The following KIFAP3 variants were observed in gnomAD, a reference collection of about 807,000 sequenced individuals.
KIFAP3 encodes the protein kinesin associated protein 3.
A neutral mutation model predicts 106.5 loss-of-function variants in KIFAP3; 68 were observed. That is an observed-to-expected ratio of 0.64 (90% CI 0.53 to 0.78). The LOEUF (loss-of-function observed/expected upper bound fraction) is 0.78. Among genes scored for constraint, KIFAP3 ranks in the 30% least tolerant of loss-of-function variants. The pLI is 0.00. For synonymous variants in KIFAP3, 320 were observed against 311.5 expected, an observed-to-expected ratio of 1.03 and a Z score of -0.29; for missense variants, 780 against 941.8, an observed-to-expected ratio of 0.83 and a Z score of 2.25.
exon 1 of KIFAP3, chr1:170,085,061 A>G (rs1397480176): frequency 6.6e-6 from 1 of 152,208 alleles, no homozygotes; most frequent in African/African-American, 2.4e-5. Flanking sequence ...GGATGCCATC[A>G]AATGGCCAGT....
intron 2 of KIFAP3, among the ~76,000 whole-genome samples, chr1:170,052,589 A>G (rs1326791091): frequency 1.3e-4 from 20 of 152,176 alleles, no homozygotes; most frequent in African/African-American, 4.3e-4. Context: ...TGTGAAAATC[A>G]TCAATAAAAT....
intron 19 of KIFAP3, among the ~76,000 whole-genome samples, chr1:169,950,591 C>CT (rs1664679373): frequency 6.6e-6 from 1 of 152,004 alleles, no homozygotes; most frequent in Non-Finnish European, 1.5e-5. Flanking sequence ...ATCAATTCAG[C>CT]TATTATTCTT....
chr1:169,983,415 G>T (rs773397804), intron 12 of KIFAP3, 33 bp from the exon 13 acceptor site: 4 of 1,393,518 alleles, frequency 2.9e-6, no homozygotes, highest in Admixed American at 2.0e-5. Context: ...TAAAATTAAG[G>T]TTAGCTTAAG....
At chr1:170,080,603 T>C (rs553272099) in intron 1 of KIFAP3, among the ~76,000 whole-genome samples, 2 of 152,226 alleles carry the variant, frequency 1.3e-5, no homozygotes, top group East Asian at 3.9e-4. Context: ...AGAGAATGAC[T>C]CACTTATGGT....
intron 12 of KIFAP3, 38 bp from the exon 13 acceptor site, chr1:169,983,420 CTTAAGT>C: frequency 7.2e-7 from 1 of 1,388,176 alleles, no homozygotes; most frequent in Non-Finnish European, 1.0e-6. Flanking sequence ...TTAAGGTTAG[CTTAAGT>C]TTAATAATTT....
At chr1:169,998,381 GATATATATAT>G (rs67634163) in intron 10 of KIFAP3, among the ~76,000 whole-genome samples, 1,812 of 136,948 alleles carry the variant, frequency 0.013, 9 homozygotes, top group South Asian at 0.023. Context: ...TGCTTCACCA[GATATATATAT>G]ATATATATAC....
intron 17 of KIFAP3, among the ~76,000 whole-genome samples, chr1:169,970,160 T>A (rs955936906): frequency 3.9e-5 from 6 of 152,002 alleles, no homozygotes; most frequent in African/African-American, 1.4e-4. Context: ...GACTTATAAT[T>A]CCCTTGGAAG....
intron 19 of KIFAP3, among the ~76,000 whole-genome samples, chr1:169,931,676 T>G (rs2101785662): frequency 6.6e-6 from 1 of 152,348 alleles, no homozygotes; most frequent in Admixed American, 6.5e-5. Context: ...GTCCTTTAAA[T>G]AATTGTTTGT....
At chr1:170,008,976 G>A (rs1459767871) in intron 10 of KIFAP3, among the ~76,000 whole-genome samples, 1 of 152,166 alleles carries the variant, frequency 6.6e-6, no homozygotes, top group East Asian at 1.9e-4. Context: ...CAGGGACATG[G>A]ATGAAGCTGG....
intron 17 of KIFAP3, among the ~76,000 whole-genome samples, chr1:169,968,263 T>C (rs1665730541): frequency 6.6e-6 from 1 of 151,898 alleles, no homozygotes; most frequent in South Asian, 2.1e-4. Context: ...TCATTTTGTT[T>C]ACTAGTTAAC....
intron 10 of KIFAP3, among the ~76,000 whole-genome samples, chr1:170,009,278 A>G (rs1169217654): frequency 1.3e-5 from 2 of 152,164 alleles, no homozygotes; most frequent in African/African-American, 4.8e-5. Flanking sequence ...TTAATATTTT[A>G]AAAGCTGACA....
At chr1:170,032,412 G>A (rs12122885) in intron 7 of KIFAP3, among the ~76,000 whole-genome samples, 1 of 151,650 alleles carries the variant, frequency 6.6e-6, no homozygotes, top group Non-Finnish European at 1.5e-5. Context: ...TCAGACAGAT[G>A]CCCAGAATAT....
At chr1:170,075,470 C>T (rs373994627), upstream of KIFAP3, among the ~76,000 whole-genome samples, 6 of 152,230 alleles carry the variant, frequency 3.9e-5, no homozygotes, top group African/African-American at 9.7e-5. Flanking sequence ...CACTTATTCA[C>T]TGTCTTCTAG....
chr1:169,934,774 A>C (rs1440168461), intron 19 of KIFAP3, among the ~76,000 whole-genome samples: 1 of 151,940 alleles, frequency 6.6e-6, no homozygotes, highest in Non-Finnish European at 1.5e-5. Context: ...ACATATAGGT[A>C]TATCTATATT....
At chr1:170,080,052 A>G (rs1671996274) in intron 1 of KIFAP3, among the ~76,000 whole-genome samples, 1 of 152,140 alleles carries the variant, frequency 6.6e-6, no homozygotes, top group South Asian at 2.1e-4. Flanking sequence ...ATAAAAAGCT[A>G]CTAGACCTAA....
chr1:170,056,990 T>C (rs1335534908), intron 1 of KIFAP3, among the ~76,000 whole-genome samples: 1 of 152,076 alleles, frequency 6.6e-6, no homozygotes, highest in Non-Finnish European at 1.5e-5. Context: ...ACAAAAGCTA[T>C]AGAAGTCACA....
intron 8 of KIFAP3, among the ~76,000 whole-genome samples, chr1:170,030,204 C>T (rs1669328752): frequency 6.6e-6 from 1 of 151,718 alleles, no homozygotes; most frequent in African/African-American, 2.4e-5. Context: ...CTGATAAATG[C>T]TTATATCCAA....
chr1:169,971,544 C>T (rs112758324), intron 17 of KIFAP3, among the ~76,000 whole-genome samples: 26 of 151,778 alleles, frequency 1.7e-4, no homozygotes, highest in African/African-American at 3.6e-4. Flanking sequence ...TAGTCAAATC[C>T]AAAAAACAGA....
At position 169,921,678 on chromosome 1, in the gene KIFAP3, A is replaced by G. The variant is rs1038563857; in HGVS notation, c.2377T>C (p.Ter793ArgextTer1). Residue 793 changes from the stop codon to arginine, a stop_lost, in exon 20 of 20, where the codon TGA becomes CGA. Coordinates refer to ENST00000361580, the MANE Select transcript of KIFAP3 (RefSeq NM_014970.4). ...DEPYYYGYGS[*>R] The stretch of plus-strand genomic sequence containing the variant: ...TACACATGGAAACAGATACTTTATC[A>G]AGATCCATAGCCATAGTAGTAAGGT... 1 of 1,609,924 alleles carries G rather than the reference A, an allele frequency of 6.2e-7. No homozygotes were observed. Among genetic ancestry groups the G allele is most frequent in the Non-Finnish European group, 8.5e-7 (1 of 1,176,450 alleles).
Sources: gnomAD v4.1 joint callset for allele counts (sites outside exome capture counted in the v4.1 genomes callset) on GRCh38, gnomAD v4.1.1 for gene constraint, MANE v1.5 for transcripts, NCBI Gene and HGNC (gene_info 2026-07-23, HGNC 2026-07-21) for gene names.